The following AP1G1 variants were observed in gnomAD, a reference collection of about 807,000 sequenced individuals.
AP1G1 encodes adaptor related protein complex 1 subunit gamma 1.
Under a neutral mutation model 108.3 loss-of-function variants are expected in AP1G1, and 7 were observed. The ratio of observed to expected loss-of-function variants is 0.06; its 90% CI spans 0.04 to 0.12. The LOEUF (loss-of-function observed/expected upper bound fraction) is 0.12. Among genes scored for constraint, AP1G1 ranks in the 10% least tolerant of loss-of-function variants. The pLI is 1.00. For synonymous variants in AP1G1, 379 were observed against 353.5 expected, an observed-to-expected ratio of 1.07 and a Z score of -0.81; for missense variants, 756 against 1,010.7, an observed-to-expected ratio of 0.75 and a Z score of 3.42.
intron 6 of AP1G1, 146 bp from the exon 7 acceptor site, chr16:71,765,730 T>C (rs765474665): frequency 1.6e-6 from 1 of 631,462 alleles, no homozygotes; most frequent in Non-Finnish European, 2.9e-6. Context: ...TTGTAGATGT[T>C]TGATAAACTT....
Position 71,801,608 on chromosome 16 carries a change from G to T in AP1G1, c.-4+7155C>A, listed in dbSNP as rs113671398. ...AATTCTCCAAAACCTGACATTTTTT[G>T]ATTGTTGACATGATGCTTGAAGAAA... On this transcript the variant is annotated intron_variant, in intron 1 of 22. Transcript: ENST00000299980. Among the ~76,000 whole-genome samples the T allele has an allele frequency of 7.1e-3, 1,077 of 152,066 alleles. 24 individuals are homozygous for T. Among genetic ancestry groups the T allele is most frequent in the African/African-American group, 0.025 (1,021 of 41,484 alleles).
intron 4 of AP1G1, 131 bp from the exon 5 acceptor site, chr16:71,771,383 G>C: frequency 1.7e-6 from 1 of 575,174 alleles, no homozygotes; most frequent in East Asian, 3.1e-5. Flanking sequence ...GAAGGAAGAG[G>C]TTAGATATTA....
chr16:71,759,678 T>A (rs1054635361), intron 10 of AP1G1, among the ~76,000 whole-genome samples: 1 of 142,962 alleles, frequency 7.0e-6, no homozygotes, highest in Non-Finnish European at 1.5e-5. Context: ...GAGAATGGCG[T>A]GAACCCAGGA....
intron 1 of AP1G1, among the ~76,000 whole-genome samples, chr16:71,806,205 C>G (rs907637059): frequency 4.6e-5 from 7 of 152,108 alleles, no homozygotes; most frequent in African/African-American, 1.7e-4. Context: ...AAATCTAGAA[C>G]TGCTATCAAT....
In AP1G1 at chr16:71,757,884, T is replaced by C. The variant is rs865913253; in HGVS notation, c.1088+924A>G. Among the ~76,000 whole-genome samples, 7 of 152,302 alleles carry C rather than the reference T, an allele frequency of 4.6e-5. No homozygotes were observed. In the South Asian group the frequency reaches 6.2e-4, roughly 14 times the overall value. On this transcript the variant is annotated intron_variant, in intron 11 of 22. Coordinates refer to ENST00000299980, the MANE Select transcript of AP1G1 (RefSeq NM_001128.6). ...TACAAGGATTAAGGTTTAGGTTAAG[T>C]CATTTGATCCCCATGGGACTGAATT...
chr16:71,769,831 C>CT (rs1207356400), intron 5 of AP1G1, 132 bp from the exon 6 acceptor site: 9 of 656,850 alleles, frequency 1.4e-5, no homozygotes, highest in Non-Finnish European at 2.4e-5. Flanking sequence ...CCCAAAGCAT[C>CT]TAAGCATTGA....
At chr16:71,779,975 T>C (rs2031943269) in intron 2 of AP1G1, among the ~76,000 whole-genome samples, 1 of 151,260 alleles carries the variant, frequency 6.6e-6, no homozygotes, top group African/African-American at 2.4e-5. Context: ...AAACAAAAAA[T>C]TTTGTTTCAG....
intron 2 of AP1G1, among the ~76,000 whole-genome samples, chr16:71,779,644 G>T (rs1461835442): frequency 6.6e-6 from 1 of 152,038 alleles, no homozygotes; most frequent in African/African-American, 2.4e-5. Flanking sequence ...CCCGCCAAAT[G>T]GCTCTTAATG....
rs202214928 is a variant in AP1G1 at position 71,748,429 on chromosome 16, A to G, written c.1498-51T>C. The G allele has an allele frequency of 5.0e-5, 79 of 1,587,296 alleles. No homozygotes were observed. The East Asian group carries it at 1.7e-3, about 34-fold the overall frequency. ...CGATGAAGAATGAGTAGCATGATTA[A>G]GCATCTAAATCTGATATCAAGTCAG... is the stretch of plus-strand genomic sequence containing the variant. On this transcript the variant is annotated intron_variant, in intron 15 of 22. Coordinates refer to ENST00000299980, the MANE Select transcript of AP1G1 (RefSeq NM_001128.6).
rs3751817 is a variant in AP1G1, at chr16:71,730,931, C to T, written c.*2127G>A. 0.34 allele frequency: 52,255 copies of T among 152,148 alleles called. 9,775 individuals are homozygous for T. The highest frequency in any genetic ancestry group is 0.76 in the East Asian group (3,927 of 5,174). 9.4% of individuals were successfully genotyped at this position (152,148 alleles called of 1,614,324 possible). A position where few individuals can be genotyped will look rare whatever the true frequency, so the allele number is the denominator to read the frequency against. On this transcript the variant is annotated 3_prime_UTR_variant, in exon 23 of 23. Coordinates refer to ENST00000299980, the MANE Select transcript of AP1G1 (RefSeq NM_001128.6). ...TAGCATGGTCTTGAACAGATTTCTT[C>T]AGAGATTCAACCCAGTTCAAATAAA...
intron 2 of AP1G1, among the ~76,000 whole-genome samples, chr16:71,783,799 C>G (rs554704349): frequency 6.6e-6 from 1 of 152,250 alleles, no homozygotes; most frequent in African/African-American, 2.4e-5. Context: ...AACTAGAAGT[C>G]CAGATTTCTA....
intron 1 of AP1G1, among the ~76,000 whole-genome samples, chr16:71,797,993 T>C (rs924360642): frequency 4.6e-5 from 7 of 152,260 alleles, no homozygotes; most frequent in South Asian, 2.1e-4. Context: ...AACAGTCCCA[T>C]TGACAATAGT....
intron 2 of AP1G1, among the ~76,000 whole-genome samples, chr16:71,780,445 T>A (rs1186619258): frequency 2.0e-5 from 3 of 150,344 alleles, no homozygotes; most frequent in Admixed American, 6.7e-5. Context: ...GAACTACGAT[T>A]GCACCACTGC....
At chr16:71,755,657 T>C (rs551548642) in intron 12 of AP1G1, among the ~76,000 whole-genome samples, 1 of 152,196 alleles carries the variant, frequency 6.6e-6, no homozygotes, top group South Asian at 2.1e-4. Context: ...TTTTTTGTTT[T>C]GTTTTTGAGA....
At chr16:71,776,299 G>C (rs2031778476) in intron 2 of AP1G1, among the ~76,000 whole-genome samples, 1 of 152,174 alleles carries the variant, frequency 6.6e-6, no homozygotes, top group African/African-American at 2.4e-5. Flanking sequence ...ACTATCACGA[G>C]CATTTCAAAG....
At chr16:71,793,005 A>G (rs1468313565) in intron 1 of AP1G1, among the ~76,000 whole-genome samples, 2 of 151,748 alleles carry the variant, frequency 1.3e-5, no homozygotes, top group African/African-American at 4.8e-5. Flanking sequence ...CTGTCTCTAC[A>G]GAACATAAAC....
intron 1 of AP1G1, among the ~76,000 whole-genome samples, chr16:71,803,573 C>A (rs1017213156): frequency 2.0e-5 from 3 of 152,116 alleles, no homozygotes; most frequent in African/African-American, 7.2e-5. Flanking sequence ...GCAACCAAAA[C>A]TCATGCCATA....
At chr16:71,742,947 C>A (rs373104838) in intron 19 of AP1G1, 1 of 150,934 alleles carries the variant, frequency 6.6e-6, no homozygotes, top group African/African-American at 2.4e-5. Context: ...CACTCCAGCC[C>A]GGGCAACAAA....
chr16:71,736,117 A>AAAATAT (rs1555550846), intron 21 of AP1G1, among the ~76,000 whole-genome samples: 2 of 71,632 alleles, frequency 2.8e-5, no homozygotes, highest in African/African-American at 1.2e-4. Flanking sequence ...AAAAAAAAAA[A>AAAATAT]ATATATATAT....
Sources: allele counts gnomAD v4.1 joint callset (sites outside exome capture counted in the v4.1 genomes callset), GRCh38; gene constraint gnomAD v4.1.1; transcripts MANE v1.5; gene names NCBI Gene and HGNC (gene_info 2026-07-23, HGNC 2026-07-21).